Variants in CHD1L observed in about 807,000 individuals in gnomAD.
The protein encoded by CHD1L is chromodomain helicase DNA binding protein 1 like, also known as ATP-dependent chromatin remodeler CHD1L.
Under a neutral mutation model 115.9 loss-of-function variants are expected in CHD1L, and 118 were observed. The observed-to-expected ratio is 1.02, with a 90% CI of 0.88 to 1.19. The LOEUF (loss-of-function observed/expected upper bound fraction) is 1.19, where lower values mean the gene tolerates loss of function less well. Among genes scored for constraint, CHD1L ranks in the 50% most tolerant of loss-of-function variants. The probability of loss-of-function intolerance (pLI) is 0.00; values close to 1 mark genes in which losing one functional copy is unlikely to be tolerated. For synonymous variants in CHD1L, 411 were observed against 387.1 expected (o/e 1.06, Z -0.72); for missense variants, 1,179 against 1,065.3 (o/e 1.11, Z -1.49).
chr1:147,286,981 T>G (rs890117107), intron 18 of CHD1L, among the ~76,000 whole-genome samples: 4 of 151,838 alleles, frequency 2.6e-5, no homozygotes, highest in Admixed American at 2.0e-4. Flanking sequence ...CCATCCCCCC[T>G]GTTATTCTCT....
At chr1:147,193,671 G>A in the CHD1L span, among the ~76,000 whole-genome samples, 1 of 152,122 alleles carries the variant, frequency 6.6e-6, no homozygotes, top group Non-Finnish European at 1.5e-5. Flanking sequence ...TCTACACACT[G>A]CTTTAAATGT....
At chr1:147,179,622 C>T in the CHD1L span, 1 of 1,545,878 alleles carries the variant, frequency 6.5e-7, no homozygotes, top group Non-Finnish European at 8.9e-7. Context: ...ACAGGAGGAT[C>T]TCTAAAGCAG....
intron 1 of CHD1L, among the ~76,000 whole-genome samples, 193 bp from the exon 2 acceptor site, chr1:147,252,430 A>C (rs1668689030): frequency 6.6e-6 from 1 of 152,210 alleles, no homozygotes; most frequent in African/African-American, 2.4e-5. Flanking sequence ...ATAAAGGTGA[A>C]TAAGTCTGCT....
the CHD1L span, chr1:147,225,411 T>C: frequency 5.2e-6 from 1 of 193,046 alleles, no homozygotes; most frequent in Non-Finnish European, 1.1e-5. Flanking sequence ...GGAGGGGCTG[T>C]AGCACTCCAC....
At chr1:147,270,279 A>G (rs1303262921) in intron 10 of CHD1L, among the ~76,000 whole-genome samples, 1 of 152,144 alleles carries the variant, frequency 6.6e-6, no homozygotes, top group African/African-American at 2.4e-5. Flanking sequence ...TCTAGGCTTG[A>G]CTTTGTTCTT....
In CHD1L at chr1:147,295,516, G is replaced by C. The variant is rs1287876489; in HGVS notation, c.*7G>C. 19 of 1,599,458 alleles carry C rather than the reference G, an allele frequency of 1.2e-5. No homozygotes were observed. Among genetic ancestry groups the C allele is most frequent in the Non-Finnish European group, 1.5e-5 (18 of 1,169,696 alleles). ...AAGACAGCTGGTGCCTTAAGAATTG[G>C]CCCAGCCTCAGATCCTGTCTTTAGC... On this transcript the variant is annotated 3_prime_UTR_variant, in exon 23 of 23. Coordinates refer to ENST00000369258, the MANE Select transcript of CHD1L (RefSeq NM_004284.6).
chr1:147,187,798 A>C, the CHD1L span, among the ~76,000 whole-genome samples: 1 of 152,230 alleles, frequency 6.6e-6, no homozygotes, highest in African/African-American at 2.4e-5. Context: ...TATTACACCA[A>C]GTGCAGATTT....
chr1:147,273,278 G>A (rs980372499), intron 12 of CHD1L, among the ~76,000 whole-genome samples: 3 of 152,122 alleles, frequency 2.0e-5, no homozygotes, highest in African/African-American at 7.2e-5. Flanking sequence ...TCTTGATGGA[G>A]TACATGCAGG....
chr1:147,211,985 G>C, the CHD1L span, among the ~76,000 whole-genome samples: 6 of 152,298 alleles, frequency 3.9e-5, no homozygotes, highest in South Asian at 1.2e-3. Flanking sequence ...ATGATCACGC[G>C]TGCTTTCCTT....
At chr1:147,190,680 A>T in the CHD1L span, among the ~76,000 whole-genome samples, 10 of 151,030 alleles carry the variant, frequency 6.6e-5, no homozygotes, top group Non-Finnish European at 1.2e-4. Flanking sequence ...GTAAAAATAA[A>T]TTTTTTGTTT....
intron 11 of CHD1L, 194 bp downstream of exon 11, chr1:147,271,199 C>T (rs1330665643): frequency 2.5e-5 from 12 of 471,816 alleles, no homozygotes; most frequent in East Asian, 1.3e-4. Flanking sequence ...AGAACAGGCA[C>T]GTGGGCAGAA....
chr1:147,264,215 C>G (rs922481203), intron 6 of CHD1L, among the ~76,000 whole-genome samples: 2 of 152,114 alleles, frequency 1.3e-5, no homozygotes, highest in Non-Finnish European at 2.9e-5. Context: ...ATTATTGTCC[C>G]CTTCTTATAG....
chr1:147,267,711 T>C (rs1204936132), intron 9 of CHD1L, among the ~76,000 whole-genome samples, 193 bp downstream of exon 9: 3 of 152,218 alleles, frequency 2.0e-5, no homozygotes, highest in African/African-American at 7.2e-5. Flanking sequence ...CCCTTCTGGC[T>C]ATATTTTTCT....
the CHD1L span, among the ~76,000 whole-genome samples, chr1:147,202,883 C>A: frequency 1.3e-5 from 2 of 152,140 alleles, no homozygotes; most frequent in African/African-American, 4.8e-5. Flanking sequence ...GGTCACCAAG[C>A]CTTTTCCCTT....
At chr1:147,177,727 C>T in the CHD1L span, among the ~76,000 whole-genome samples, 1 of 152,134 alleles carries the variant, frequency 6.6e-6, no homozygotes, top group African/African-American at 2.4e-5. Context: ...CTCTTCAGAA[C>T]TATCAAGGCC....
At chr1:147,286,938 G>A (rs1053900218) in intron 18 of CHD1L, among the ~76,000 whole-genome samples, 4 of 151,058 alleles carry the variant, frequency 2.6e-5, no homozygotes, top group Admixed American at 2.6e-4. Context: ...TTCTCAGAGA[G>A]GTCTTCTGTG....
the CHD1L span, among the ~76,000 whole-genome samples, chr1:147,182,088 T>C: frequency 6.6e-6 from 1 of 152,052 alleles, no homozygotes; most frequent in Admixed American, 6.6e-5. Flanking sequence ...GATAGCAGAG[T>C]GTTAGAGATC....
the CHD1L span, among the ~76,000 whole-genome samples, chr1:147,193,584 T>C: frequency 6.6e-6 from 1 of 152,168 alleles, no homozygotes; most frequent in African/African-American, 2.4e-5. Context: ...TTCTAGTTCT[T>C]TTAATTGTGA....
chr1:147,194,308 T>C, the CHD1L span, among the ~76,000 whole-genome samples: 6 of 152,294 alleles, frequency 3.9e-5, no homozygotes, highest in African/African-American at 1.4e-4. Context: ...AAGTCTGTTT[T>C]ATCAGAGACT....
Sources: allele counts gnomAD v4.1 joint callset (sites outside exome capture counted in the v4.1 genomes callset), GRCh38; gene constraint gnomAD v4.1.1; transcripts MANE v1.5; gene names NCBI Gene and HGNC (gene_info 2026-07-23, HGNC 2026-07-21).